ANKS1B: variants seen among roughly 807,000 people sequenced by gnomAD.
ANKS1B encodes the protein ankyrin repeat and sterile alpha motif domain containing 1B.
In ANKS1B, 36 loss-of-function variants were observed where a neutral mutation model predicts 148.3. That is an observed-to-expected ratio of 0.24 (90% CI 0.19 to 0.32). The LOEUF (loss-of-function observed/expected upper bound fraction) is 0.32. ANKS1B is among the 10% of genes least tolerant of loss of function. The pLI, the probability that ANKS1B is intolerant of heterozygous loss-of-function variation, is 1.00. For synonymous variants in ANKS1B, 542 were observed against 560.8 expected (o/e 0.97, Z 0.47); for missense variants, 1,157 against 1,542.6 (o/e 0.75, Z 4.19).
At chr12:99,288,243 G>C (rs2079411110) in intron 12 of ANKS1B, among the ~76,000 whole-genome samples, 1 of 152,112 alleles carries the variant, frequency 6.6e-6, no homozygotes. Flanking sequence ...AGCCTTCCAG[G>C]CCAGGAGAGA....
rs115985058 is a variant in ANKS1B, at chr12:99,733,257, A to G, written c.1128+39665T>C. Among the ~76,000 whole-genome samples the G allele has an allele frequency of 5.0e-3, 756 of 152,330 alleles. 10 individuals are homozygous for G. The highest frequency in any genetic ancestry group is 0.017 in the African/African-American group (723 of 41,578). On this transcript the variant is annotated intron_variant, in intron 8 of 26. Coordinates refer to ENST00000683438, the MANE Select transcript of ANKS1B (RefSeq NM_001352186.2). The stretch of plus-strand genomic sequence containing the variant: ...TGGCTTAGCTTGCACTTGAACTCCT[A>G]TAATCAACATACAATTACAACATAG...
chr12:99,654,957 A>G, intron 9 of ANKS1B, 110 bp downstream of exon 9: 1 of 1,263,596 alleles, frequency 7.9e-7, no homozygotes. Context: ...ATCCAAAATC[A>G]CAAAGTGAAC....
intron 9 of ANKS1B, among the ~76,000 whole-genome samples, chr12:99,520,134 GT>G (rs896131201): frequency 1.3e-5 from 2 of 151,996 alleles, no homozygotes; most frequent in African/African-American, 4.8e-5. Context: ...AATATTCTCT[GT>G]TTTTTTCTGT....
intron 17 of ANKS1B, among the ~76,000 whole-genome samples, chr12:99,020,325 T>C (rs1268118425): frequency 6.6e-6 from 1 of 152,172 alleles, no homozygotes; most frequent in Admixed American, 6.6e-5. Flanking sequence ...CTTGTACAAA[T>C]GGAATCATAT....
At chr12:98,874,653 A>G (rs2099683072) in intron 17 of ANKS1B, among the ~76,000 whole-genome samples, 1 of 152,218 alleles carries the variant, frequency 6.6e-6, no homozygotes, top group South Asian at 2.1e-4. Flanking sequence ...ATTGGACAAA[A>G]AGACTAGGAA....
At chr12:99,068,941 T>G (rs1287303229) in intron 16 of ANKS1B, among the ~76,000 whole-genome samples, 1 of 152,202 alleles carries the variant, frequency 6.6e-6, no homozygotes, top group Non-Finnish European at 1.5e-5. Context: ...CATTTAGCTC[T>G]TCTCTCCTCT....
chr12:99,789,764 C>T (rs767932161), intron 4 of ANKS1B, among the ~76,000 whole-genome samples: 1 of 152,014 alleles, frequency 6.6e-6, no homozygotes, highest in African/African-American at 2.4e-5. Context: ...TGAGAGTCTA[C>T]AGCCATACCG....
chr12:99,927,749 T>G (rs1034967069), intron 1 of ANKS1B, among the ~76,000 whole-genome samples: 1 of 152,076 alleles, frequency 6.6e-6, no homozygotes, highest in African/African-American at 2.4e-5. Flanking sequence ...ACCACTGCAC[T>G]CTAGCCTGGG....
At chr12:99,704,847 T>C (rs527888625) in intron 8 of ANKS1B, among the ~76,000 whole-genome samples, 40 of 152,102 alleles carry the variant, frequency 2.6e-4, no homozygotes, top group Admixed American at 3.9e-4. Flanking sequence ...ATGACAGATA[T>C]GTATATCTTC....
At chr12:99,375,539 A>G (rs1477388167) in intron 12 of ANKS1B, among the ~76,000 whole-genome samples, 1 of 152,208 alleles carries the variant, frequency 6.6e-6, no homozygotes, top group Non-Finnish European at 1.5e-5. Flanking sequence ...CAACAAAGTA[A>G]TCATTGTTAG....
chr12:99,643,187 T>C (rs545537320), intron 9 of ANKS1B, among the ~76,000 whole-genome samples: 1 of 152,258 alleles, frequency 6.6e-6, no homozygotes, highest in South Asian at 2.1e-4. Context: ...ATAAAATCCA[T>C]TCATGCCATC....
rs187162915 is a variant in ANKS1B, at chr12:99,098,022, C to A, written c.2527-12999G>T. ...GGGCTTAGTCATCTAATTTCACCAA[C>A]AAAATTATTACTAACAATAACAATA... On this transcript the variant is annotated intron_variant, in intron 15 of 26. Coordinates refer to ENST00000683438, the MANE Select transcript of ANKS1B (RefSeq NM_001352186.2). Among the ~76,000 whole-genome samples the A allele has an allele frequency of 3.4e-3, 523 of 152,284 alleles. 4 individuals carry two copies. Among genetic ancestry groups the A allele is most frequent in the Non-Finnish European group, 5.4e-3 (366 of 68,014 alleles).
At chr12:99,431,454 T>C (rs1191657857) in intron 11 of ANKS1B, among the ~76,000 whole-genome samples, 1 of 152,212 alleles carries the variant, frequency 6.6e-6, no homozygotes, top group Admixed American at 6.5e-5. Context: ...AAGAGGCCTA[T>C]GAAATGCCCT....
intron 12 of ANKS1B, among the ~76,000 whole-genome samples, chr12:99,273,534 C>T (rs1385730716): frequency 1.3e-5 from 2 of 148,806 alleles, no homozygotes; most frequent in East Asian, 2.0e-4. Context: ...AATTTGCAAA[C>T]GTTCTTAAAA....
chr12:99,478,933 T>C (rs1441769045), intron 10 of ANKS1B, among the ~76,000 whole-genome samples: 1 of 152,124 alleles, frequency 6.6e-6, no homozygotes, highest in East Asian at 1.9e-4. Flanking sequence ...TTAAAACTTT[T>C]TAAATAGGTA....
intron 10 of ANKS1B, among the ~76,000 whole-genome samples, chr12:99,503,130 T>G (rs560320003): frequency 6.6e-6 from 1 of 152,176 alleles, no homozygotes; most frequent in East Asian, 1.9e-4. Flanking sequence ...AGCAATGGGG[T>G]TTCACCAGGT....
At chr12:99,466,855 G>C in intron 10 of ANKS1B, among the ~76,000 whole-genome samples, 1 of 151,848 alleles carries the variant, frequency 6.6e-6, no homozygotes, top group Non-Finnish European at 1.5e-5. Context: ...AATTCTACCA[G>C]AGGTACAAGG....
chr12:99,500,898 T>A (rs947510026), intron 10 of ANKS1B, among the ~76,000 whole-genome samples: 2 of 152,148 alleles, frequency 1.3e-5, no homozygotes, highest in African/African-American at 4.8e-5. Flanking sequence ...ATCTTTCAAG[T>A]CTCTCAGCTT....
intron 12 of ANKS1B, among the ~76,000 whole-genome samples, chr12:99,284,045 C>A (rs1230286188): frequency 2.0e-5 from 3 of 152,086 alleles, no homozygotes; most frequent in African/African-American, 7.2e-5. Context: ...TGAGGATTAT[C>A]TTTTACAACA....
Sources: gnomAD v4.1 joint callset for allele counts (sites outside exome capture counted in the v4.1 genomes callset) on GRCh38, gnomAD v4.1.1 for gene constraint, MANE v1.5 for transcripts, NCBI Gene and HGNC (gene_info 2026-07-23, HGNC 2026-07-21) for gene names.